FAM227A: variants seen among roughly 807,000 people sequenced by gnomAD.
FAM227A encodes the protein protein FAM227A.
A neutral mutation model predicts 74.7 loss-of-function variants in FAM227A; 80 were observed. That is an observed-to-expected ratio of 1.07 (90% CI 0.89 to 1.29). The LOEUF is 1.29. FAM227A is among the 50% of genes most tolerant of loss of function. The probability of loss-of-function intolerance (pLI) is 0.00; values close to 1 mark genes in which losing one functional copy is unlikely to be tolerated. For synonymous variants in FAM227A, 237 were observed against 241.8 expected (o/e 0.98, Z 0.19); for missense variants, 654 against 683.4 (o/e 0.96, Z 0.48).
chr22:38,605,545 C>T (rs993647957), intron 12 of FAM227A, among the ~76,000 whole-genome samples, 197 bp from the exon 13 acceptor site: 2 of 152,168 alleles, frequency 1.3e-5, no homozygotes, highest in African/African-American at 4.8e-5. Flanking sequence ...CCACCTTGGC[C>T]TCCCACAGTG....
rs1189831398 is a variant in FAM227A, at chr22:38,628,914, A to G, written c.541T>C (p.Leu181=). 7 of 1,535,480 alleles carry G rather than the reference A, an allele frequency of 4.6e-6. No homozygotes were observed. The highest frequency in any genetic ancestry group is 6.2e-6 in the Non-Finnish European group (7 of 1,137,436). The change falls in exon 7 of 17, where the codon TTA becomes CTA. Residue 181 remains leucine (L), a synonymous_variant. Transcript: ENST00000535113. ...SGKHFCSGRE[L]EKFLSSSSPR... The stretch of plus-strand genomic sequence containing the variant: ...GAAGAAGAAGAGAGAAACTTCTCTA[A>G]TTCTCTACCTGAACAGAAATGCTTG...
Position 38,579,734 on chromosome 22 carries a change from A to C in FAM227A, c.*6391T>G, listed in dbSNP as rs980967377. On this transcript the variant is annotated 3_prime_UTR_variant, in exon 17 of 17. Transcript: ENST00000535113. ...ATAAATCTTGTAATTCCATCTGTGAATATTTCAGTATATATCTCTAAAATG... is the reference window on the plus strand; with the variant it reads ...ATAAATCTTGTAATTCCATCTGTGACTATTTCAGTATATATCTCTAAAATG... The C allele has an allele frequency of 5.9e-5, 9 of 152,154 alleles. No homozygotes were observed. The highest frequency in any genetic ancestry group is 1.2e-4 in the Non-Finnish European group (8 of 68,044). 9.4% of individuals were successfully genotyped at this position (152,154 alleles called of 1,614,324 possible).
chr22:38,618,078 C>T (rs1379796372), intron 11 of FAM227A, among the ~76,000 whole-genome samples: 1 of 152,152 alleles, frequency 6.6e-6, no homozygotes, highest in Non-Finnish European at 1.5e-5. Context: ...TCATCCAGCC[C>T]AGAGGGGCAG....
At chr22:38,634,952 G>A (rs1304335394) in intron 6 of FAM227A, among the ~76,000 whole-genome samples, 1 of 152,104 alleles carries the variant, frequency 6.6e-6, no homozygotes, top group African/African-American at 2.4e-5. Context: ...AAGCCATGAA[G>A]AAGAGAGGAG....
At position 38,638,733 on chromosome 22, in the gene FAM227A, G is replaced by A. The variant is rs374594773; in HGVS notation, c.372+13C>T. On this transcript the variant is annotated intron_variant, in intron 5 of 16. Transcript: ENST00000535113. Reference sequence around the variant, plus strand: ...AAGCCGGTCAGAAACAGACACAGCAGTAGATCCCTTACCCTTTTTATAACA... The same window carrying A: ...AAGCCGGTCAGAAACAGACACAGCAATAGATCCCTTACCCTTTTTATAACA... The A allele has an allele frequency of 1.2e-5, 18 of 1,537,612 alleles. No individual in the cohort carries two copies. The African/African-American group carries it at 2.3e-4, about 20-fold the overall frequency.
intron 12 of FAM227A, among the ~76,000 whole-genome samples, chr22:38,606,417 C>A (rs1000577769): frequency 6.6e-6 from 1 of 152,158 alleles, no homozygotes; most frequent in Admixed American, 6.6e-5. Flanking sequence ...AATCCTACTG[C>A]CTCAGCCTCC....
chr22:38,630,348 G>A (rs534943629), intron 6 of FAM227A, among the ~76,000 whole-genome samples: 34 of 152,198 alleles, frequency 2.2e-4, no homozygotes, highest in Non-Finnish European at 3.5e-4. Flanking sequence ...ACTTTTCCTC[G>A]TGTTTCTTCA....
intron 3 of FAM227A, among the ~76,000 whole-genome samples, chr22:38,640,108 A>G (rs564705083): frequency 1.3e-5 from 2 of 151,476 alleles, no homozygotes; most frequent in South Asian, 4.2e-4. Flanking sequence ...ATCTCGGCTC[A>G]CTGCAAGCTC....
At chr22:38,593,441 C>T (rs2090980989) in intron 15 of FAM227A, among the ~76,000 whole-genome samples, 1 of 152,122 alleles carries the variant, frequency 6.6e-6, no homozygotes. Context: ...GGAGGCGGAG[C>T]TTGCAGTGAG....
In FAM227A at chr22:38,656,307, T is replaced by G. The variant is rs1030062486; in HGVS notation, c.-282A>C. ...GAGAGGCCCATTTTGCTACTCTGAGTCCAGGCGTTCTCTAGGCAACGCCGG... is the reference window on the plus strand; with the variant it reads ...GAGAGGCCCATTTTGCTACTCTGAGGCCAGGCGTTCTCTAGGCAACGCCGG... On this transcript the variant is annotated 5_prime_UTR_variant, in exon 1 of 17. Transcript: ENST00000535113. 3.9e-5 allele frequency: 6 copies of G among 152,278 alleles called. No individual in the cohort carries two copies. The highest frequency in any genetic ancestry group is 1.4e-4 in the African/African-American group (6 of 41,440). The allele number at this position is 152,278 out of a possible 1,614,324, so 9.4% of individuals were successfully genotyped here. A position where few individuals can be genotyped will look rare whatever the true frequency, so the allele number is the denominator to read the frequency against.
intron 6 of FAM227A, among the ~76,000 whole-genome samples, chr22:38,634,972 C>T (rs1020977845): frequency 2.6e-5 from 4 of 151,978 alleles, no homozygotes; most frequent in Non-Finnish European, 5.9e-5. Flanking sequence ...GGGGGTCGGG[C>T]GCAGTGGCTC....
chr22:38,645,540 C>T, intron 3 of FAM227A, 23 bp downstream of exon 3: 2 of 1,532,972 alleles, frequency 1.3e-6, no homozygotes, highest in Non-Finnish European at 1.8e-6. Context: ...AGCTTTGTCT[C>T]AGCTCCAGCA....
At position 38,580,726 on chromosome 22, in the gene FAM227A, A is replaced by C. The variant is rs904092852; in HGVS notation, c.*5399T>G. 1 of 152,292 alleles carries C rather than the reference A, an allele frequency of 6.6e-6. No individual in the cohort carries two copies. Among genetic ancestry groups the C allele is most frequent in the Admixed American group, 6.5e-5 (1 of 15,288 alleles). 9.4% of individuals were successfully genotyped at this position (152,292 alleles called of 1,614,324 possible). A position where few individuals can be genotyped will look rare whatever the true frequency, so the allele number is the denominator to read the frequency against. ...ATAAATGCTTATTCATTTACTTACCAATTTTCAAAATAATGAGGAAGTTTC... is the reference window on the plus strand; with the variant it reads ...ATAAATGCTTATTCATTTACTTACCCATTTTCAAAATAATGAGGAAGTTTC... On this transcript the variant is annotated 3_prime_UTR_variant, in exon 17 of 17. Coordinates refer to ENST00000535113, the MANE Select transcript of FAM227A (RefSeq NM_001013647.2).
intron 1 of FAM227A, among the ~76,000 whole-genome samples, chr22:38,655,112 C>T (rs998216790): frequency 6.6e-6 from 1 of 150,888 alleles, no homozygotes; most frequent in African/African-American, 2.4e-5. Flanking sequence ...TGCACTCCAG[C>T]CTGGGCGACA....
intron 12 of FAM227A, among the ~76,000 whole-genome samples, chr22:38,605,732 T>C (rs991528501): frequency 1.3e-5 from 2 of 152,192 alleles, no homozygotes; most frequent in African/African-American, 4.8e-5. Context: ...ATTGAATATA[T>C]ATGTAAGCTC....
Position 38,623,176 on chromosome 22 carries a change from T to C in FAM227A, c.954A>G (p.Thr318=). ...EELMLYRRRL[T]KGREFSLFAG... is the part of the protein sequence containing the mutation. ...AGGCTGTACCTGCTATCTTACCCTT[T>C]GTCAGTCTTCTTCTGTACAACATTA... is the stretch of plus-strand genomic sequence containing the variant. Residue 318 remains threonine, a synonymous_variant, in exon 10 of 17, where the codon ACA becomes ACG. Coordinates refer to ENST00000535113, the MANE Select transcript of FAM227A (RefSeq NM_001013647.2). The C allele has an allele frequency of 4.5e-6, 7 of 1,549,762 alleles. No individual in the cohort carries two copies. Among genetic ancestry groups the C allele is most frequent in the Admixed American group, 2.0e-5 (1 of 50,996 alleles).
chr22:38,597,906 G>A (rs1019196885), intron 14 of FAM227A, among the ~76,000 whole-genome samples: 9 of 152,104 alleles, frequency 5.9e-5, no homozygotes, highest in Non-Finnish European at 1.3e-4. Context: ...AGCTGGGCAT[G>A]GTGGCACATG....
At position 38,578,967 on chromosome 22, in the gene FAM227A, C is replaced by T. The variant is rs963442696; in HGVS notation, c.*7158G>A. 6.6e-6 allele frequency: 1 copy of T among 152,272 alleles called. No homozygotes were observed. Among genetic ancestry groups the T allele is most frequent in the African/African-American group, 2.4e-5 (1 of 41,472 alleles). The allele number at this position is 152,272 out of a possible 1,614,324, so 9.4% of individuals were successfully genotyped here. The stretch of plus-strand genomic sequence containing the variant: ...CACAGATTCATGCATCCACTCCTCA[C>T]ACAGACACCATGAGGCACAACAATT... On this transcript the variant is annotated 3_prime_UTR_variant, in exon 17 of 17. Coordinates refer to ENST00000535113, the MANE Select transcript of FAM227A (RefSeq NM_001013647.2).
intron 5 of FAM227A, among the ~76,000 whole-genome samples, chr22:38,637,262 G>GATAT (rs898922375): frequency 6.6e-6 from 1 of 152,076 alleles, no homozygotes; most frequent in African/African-American, 2.4e-5. Context: ...CATTTAAGAT[G>GATAT]ATATATCCTG....
Sources: gnomAD v4.1 joint callset for allele counts (sites outside exome capture counted in the v4.1 genomes callset) on GRCh38, gnomAD v4.1.1 for gene constraint, MANE v1.5 for transcripts, NCBI Gene and HGNC (gene_info 2026-07-23, HGNC 2026-07-21) for gene names.